Variants in PCDH15 observed in about 807,000 individuals in gnomAD.
The protein encoded by PCDH15 is protocadherin-15.
In PCDH15, 129 loss-of-function variants were observed where a neutral mutation model predicts 178.5. The observed-to-expected ratio is 0.72, with a 90% CI of 0.63 to 0.84. PCDH15 has a LOEUF of 0.84. Ranked by LOEUF, PCDH15 falls within the 40% of genes least tolerant of loss-of-function variation. The pLI, the probability that PCDH15 is intolerant of heterozygous loss-of-function variation, is 0.00. For synonymous variants in PCDH15, 800 were observed against 732.0 expected, an observed-to-expected ratio of 1.09 and a Z score of -1.50; for missense variants, 2,230 against 2,099.9, an observed-to-expected ratio of 1.06 and a Z score of -1.21.
intron 8 of PCDH15, among the ~76,000 whole-genome samples, chr10:54,242,010 G>C (rs2055358212): frequency 6.7e-6 from 1 of 149,900 alleles, no homozygotes; most frequent in Non-Finnish European, 1.5e-5. Context: ...ATGCAGAACT[G>C]TTGTATTATT....
At chr10:55,566,163 T>C (rs972244614) in intron 2 of PCDH15, among the ~76,000 whole-genome samples, 2 of 151,726 alleles carry the variant, frequency 1.3e-5, no homozygotes, top group African/African-American at 2.4e-5. Context: ...ATACAAAAAT[T>C]GTTAAATGTA....
chr10:54,371,680 C>T lies in PCDH15; in HGVS notation c.319-2405G>A, dbSNP rs562353470. Among the ~76,000 whole-genome samples, 3 of 151,744 alleles carry T rather than the reference C, an allele frequency of 2.0e-5. No individual in the cohort carries two copies. The South Asian group carries it at 6.2e-4, about 31-fold the overall frequency. On this transcript the variant is annotated intron_variant, in intron 4 of 37. Coordinates refer to ENST00000644397, the MANE Select transcript of PCDH15 (RefSeq NM_001384140.1). Reference sequence around the variant, plus strand: ...AGTATCTCATGTAACTCATATGCACCTACTATATACCCATAAAAGTTTTTA... The same window carrying T: ...AGTATCTCATGTAACTCATATGCACTTACTATATACCCATAAAAGTTTTTA...
intron 25 of PCDH15, among the ~76,000 whole-genome samples, chr10:53,920,807 C>T (rs1487951591): frequency 3.3e-5 from 5 of 152,098 alleles, no homozygotes; most frequent in Admixed American, 2.6e-4. Context: ...TAAGAATTTT[C>T]CTGCTTGTTT....
chr10:55,326,496 C>T (rs888364301), intron 2 of PCDH15, among the ~76,000 whole-genome samples: 4 of 151,958 alleles, frequency 2.6e-5, no homozygotes, highest in African/African-American at 9.7e-5. Context: ...AAACCAAATA[C>T]TGCAGCTTGC....
intron 19 of PCDH15, 120 bp downstream of exon 19, chr10:54,022,772 T>C: frequency 2.1e-6 from 2 of 968,014 alleles, no homozygotes; most frequent in Non-Finnish European, 3.3e-6. Flanking sequence ...ATTCATTGTT[T>C]ATCTGAAATT....
At chr10:53,821,593 A>G (rs1238468370) in intron 32 of PCDH15, 1 of 1,182,048 alleles carries the variant, frequency 8.5e-7, no homozygotes, top group African/African-American at 1.6e-5. Context: ...CCCACTAAAA[A>G]AGAGATTAAA....
chr10:54,959,853 A>C (rs1212687036), intron 2 of PCDH15, among the ~76,000 whole-genome samples: 3 of 152,120 alleles, frequency 2.0e-5, no homozygotes, highest in African/African-American at 7.2e-5. Context: ...TTAGAACAAA[A>C]GTGACTGAAG....
chr10:54,779,410 A>ATATATATATACACACACATATATGTGTG (rs1566220680), intron 1 of PCDH15, among the ~76,000 whole-genome samples: 5 of 106,012 alleles, frequency 4.7e-5, no homozygotes, highest in African/African-American at 1.5e-4. Context: ...ATATATGTAT[A>ATATATATATACACACACATATATGTGTG]TATATATATA....
intron 2 of PCDH15, among the ~76,000 whole-genome samples, chr10:55,551,685 A>G (rs1219356212): frequency 1.3e-5 from 2 of 151,776 alleles, no homozygotes; most frequent in Non-Finnish European, 3.0e-5. Context: ...AAGAATACAC[A>G]TTTTCAATAT....
intron 11 of PCDH15, among the ~76,000 whole-genome samples, chr10:54,192,031 C>T (rs7919565): frequency 0.91 from 130,916 of 143,834 alleles, 59,649 homozygotes; most frequent in East Asian, 0.98. Context: ...AAATAATGAA[C>T]GGAGAGAAGG....
intron 2 of PCDH15, among the ~76,000 whole-genome samples, chr10:55,460,001 T>G (rs1258104886): frequency 6.6e-6 from 1 of 151,960 alleles, no homozygotes; most frequent in Non-Finnish European, 1.5e-5. Flanking sequence ...GTAGTCCAGA[T>G]GGAGCATGGA....
chr10:54,675,046 A>G (rs377356199), intron 1 of PCDH15, among the ~76,000 whole-genome samples: 22 of 152,196 alleles, frequency 1.4e-4, no homozygotes, highest in South Asian at 4.1e-4. Flanking sequence ...AAAATTACCA[A>G]ACTGAAAAGT....
intron 3 of PCDH15, among the ~76,000 whole-genome samples, chr10:54,825,501 G>C (rs973811037): frequency 1.4e-5 from 2 of 146,466 alleles, no homozygotes; most frequent in Admixed American, 6.9e-5. Context: ...CAGTGTAAAA[G>C]TGTTCCTATT....
At position 54,338,819 on chromosome 10, in the gene PCDH15, G is replaced by A. The variant is rs1184233991; in HGVS notation, c.594+7546C>T. Among the ~76,000 whole-genome samples the A allele has an allele frequency of 9.9e-5, 15 of 151,344 alleles. No individual in the cohort carries two copies. The East Asian group carries it at 2.3e-3, about 24-fold the overall frequency. On this transcript the variant is annotated intron_variant, in intron 6 of 37. Transcript: ENST00000644397. ...CATCAGTCTCCTCCTTATCACTTTA[G>A]GTCAAACTTAAAATGCTGAATAAAC...
intron 3 of PCDH15, among the ~76,000 whole-genome samples, chr10:54,889,198 T>G (rs1954416811): frequency 6.6e-6 from 1 of 151,844 alleles, no homozygotes; most frequent in Non-Finnish European, 1.5e-5. Context: ...TAATGAACCT[T>G]GATGTGAGAA....
At chr10:55,189,468 C>T (rs757342811) in intron 1 of PCDH15, among the ~76,000 whole-genome samples, 2 of 151,582 alleles carry the variant, frequency 1.3e-5, no homozygotes, top group African/African-American at 4.8e-5. Context: ...ATTAAATAAC[C>T]TCATGTTTTT....
At chr10:55,538,453 C>T (rs1432275174) in intron 2 of PCDH15, among the ~76,000 whole-genome samples, 1 of 135,322 alleles carries the variant, frequency 7.4e-6, no homozygotes, top group African/African-American at 3.0e-5. Flanking sequence ...TTCCTTCCTT[C>T]TTTCCTTCCT....
intron 2 of PCDH15, among the ~76,000 whole-genome samples, chr10:55,012,203 A>G (rs1484484599): frequency 6.6e-6 from 1 of 152,136 alleles, no homozygotes; most frequent in Admixed American, 6.6e-5. Context: ...ATTCATAGAT[A>G]TCAAGGTTAT....
At chr10:54,083,468 A>G (rs11004050) in intron 16 of PCDH15, among the ~76,000 whole-genome samples, 50,254 of 152,132 alleles carry the variant, frequency 0.33, 9,038 homozygotes, top group Middle Eastern at 0.46. Flanking sequence ...ACCTACTTGC[A>G]CATGTTGCAA....
Sources: allele counts gnomAD v4.1 joint callset (sites outside exome capture counted in the v4.1 genomes callset), GRCh38; gene constraint gnomAD v4.1.1; transcripts MANE v1.5; gene names NCBI Gene and HGNC (gene_info 2026-07-23, HGNC 2026-07-21).